CAPN1: variants seen among roughly 807,000 people sequenced by gnomAD.
The protein encoded by CAPN1 is calpain-1 catalytic subunit.
CAPN1 carries 77 observed loss-of-function variants against 105.2 expected under a neutral mutation model. That is an observed-to-expected ratio of 0.73 (90% CI 0.61 to 0.88). The LOEUF (loss-of-function observed/expected upper bound fraction) is 0.88. Ranked by LOEUF, CAPN1 falls within the 40% of genes least tolerant of loss-of-function variation. The probability of loss-of-function intolerance (pLI) is 0.00; values close to 1 mark genes in which losing one functional copy is unlikely to be tolerated. For synonymous variants in CAPN1, 355 were observed against 388.8 expected, an observed-to-expected ratio of 0.91 and a Z score of 1.02; for missense variants, 833 against 976.6, an observed-to-expected ratio of 0.85 and a Z score of 1.96.
At chr11:65,211,157 G>A (rs1949042711) in intron 21 of CAPN1, 103 bp from the exon 22 acceptor site, 1 of 1,302,970 alleles carries the variant, frequency 7.7e-7, no homozygotes, top group Admixed American at 1.9e-5. Flanking sequence ...TTCCTGAGGT[G>A]GCTCCTGAGA....
In CAPN1 at chr11:65,211,808, C is replaced by T. The variant is rs746548181; in HGVS notation, c.*522C>T. The T allele has an allele frequency of 9.4e-5, 15 of 159,776 alleles. No individual in the cohort carries two copies. Among genetic ancestry groups the T allele is most frequent in the South Asian group, 1.8e-4 (1 of 5,508 alleles). 9.9% of individuals were successfully genotyped at this position (159,776 alleles called of 1,614,324 possible). ...CTCTGTCCTTCCCTGGCCCTGCTGCCGACCAGGAGCTGCCCAGCCTGTGGG... is the reference window on the plus strand; with the variant it reads ...CTCTGTCCTTCCCTGGCCCTGCTGCTGACCAGGAGCTGCCCAGCCTGTGGG... On this transcript the variant is annotated 3_prime_UTR_variant, in exon 22 of 22. Transcript: ENST00000279247.
At chr11:65,184,960 C>T (rs1010883498) in intron 4 of CAPN1, among the ~76,000 whole-genome samples, 12 of 151,866 alleles carry the variant, frequency 7.9e-5, no homozygotes, top group African/African-American at 2.7e-4. Context: ...TAGTATGTCT[C>T]GAGCATACAT....
intron 10 of CAPN1, among the ~76,000 whole-genome samples, chr11:65,192,274 A>T (rs1281818273): frequency 6.6e-6 from 1 of 152,184 alleles, no homozygotes; most frequent in Non-Finnish European, 1.5e-5. Context: ...TGCTTTTCTA[A>T]CGTTAAATCA....
At chr11:65,192,674 G>C (rs1948734388) in intron 10 of CAPN1, among the ~76,000 whole-genome samples, 2 of 150,114 alleles carry the variant, frequency 1.3e-5, no homozygotes, top group African/African-American at 4.9e-5. Flanking sequence ...GTTTTTTAGA[G>C]AGAGGTTACT....
Position 65,209,101 on chromosome 11 carries a change from T to G in CAPN1, c.1730-222T>G. The stretch of plus-strand genomic sequence containing the variant: ...CTTCTGTTTCACACTCATTTCTTTT[T>G]ACTTTGGACTAATTGTGGCTGTTGG... On this transcript the variant is annotated intron_variant, in intron 16 of 21. Transcript: ENST00000279247. The surrounding 1 kb of genome is among the most constrained non-coding windows in gnomAD (Gnocchi z 4.1). The G allele has an allele frequency of 1.7e-6, 1 of 587,670 alleles. No homozygotes were observed. The highest frequency in any genetic ancestry group is 2.0e-5 in the South Asian group (1 of 49,752). The allele number at this position is 587,670 out of a possible 1,614,324, so 36.4% of individuals were successfully genotyped here. A position where few individuals can be genotyped will look rare whatever the true frequency, so the allele number is the denominator to read the frequency against.
chr11:65,204,585 T>A, intron 10 of CAPN1, 98 bp from the exon 11 acceptor site: 5 of 1,078,920 alleles, frequency 4.6e-6, no homozygotes, highest in Non-Finnish European at 6.8e-6. Context: ...ATTTGTTGAA[T>A]GAATGAATGC....
At chr11:65,206,158 C>T (rs533740101) in intron 12 of CAPN1, 1 of 549,594 alleles carries the variant, frequency 1.8e-6, no homozygotes, top group Non-Finnish European at 3.3e-6. Flanking sequence ...GCCGAGTACC[C>T]TGCAGTACCT....
rs755943670 is a variant in CAPN1, at chr11:65,188,553, G to C, written c.1005-33G>C. The C allele has an allele frequency of 5.6e-6, 9 of 1,613,686 alleles. No individual in the cohort carries two copies. Among genetic ancestry groups the C allele is most frequent in the Non-Finnish European group, 8.5e-7 (1 of 1,179,784 alleles). On this transcript the variant is annotated intron_variant, in intron 9 of 21. Coordinates refer to ENST00000279247, the MANE Select transcript of CAPN1 (RefSeq NM_005186.4). This position sits in a 1 kb window ranked among gnomAD's most constrained non-coding sequence, Gnocchi z 5.5. ...TACACATCAGCTCTGTGCCCTGACG[G>C]GCTGTGCCTCACCTGTGTACCTCCC...
At position 65,188,249 on chromosome 11, in the gene CAPN1, C is replaced by T. The variant is rs577886897; in HGVS notation, c.930-165C>T. ...CGTCGGGTGTGTGCAGGGCATCAGA[C>T]TGGCCCTGATGAGACCACCCCCTAG... On this transcript the variant is annotated intron_variant, in intron 8 of 21. Transcript: ENST00000279247. This position sits in a 1 kb window ranked among gnomAD's most constrained non-coding sequence, Gnocchi z 5.5. 30 of 701,950 alleles carry T rather than the reference C, an allele frequency of 4.3e-5. No homozygotes were observed. The highest frequency in any genetic ancestry group is 7.0e-4 in the Middle Eastern group (2 of 2,876). 43.5% of individuals were successfully genotyped at this position (701,950 alleles called of 1,614,324 possible). A position where few individuals can be genotyped will look rare whatever the true frequency, so the allele number is the denominator to read the frequency against.
chr11:65,201,642 C>G (rs906039941), intron 10 of CAPN1, among the ~76,000 whole-genome samples: 6 of 151,876 alleles, frequency 4.0e-5, no homozygotes, highest in African/African-American at 1.2e-4. Context: ...CTCAGCCTCC[C>G]GAGTAGCTGG....
chr11:65,183,942 G>A (rs1433419693), intron 4 of CAPN1, among the ~76,000 whole-genome samples: 1 of 152,166 alleles, frequency 6.6e-6, no homozygotes, highest in African/African-American at 2.4e-5. Flanking sequence ...ATCAGCACGT[G>A]TGGCCTTCTC....
chr11:65,204,829 A>G lies in CAPN1; in HGVS notation c.1312A>G (p.Met438Val), dbSNP rs749907065. The G allele has an allele frequency of 1.6e-5, 26 of 1,611,766 alleles. No homozygotes were observed. Among genetic ancestry groups the G allele is most frequent in the African/African-American group, 2.7e-5 (2 of 74,928 alleles). The change falls in exon 11 of 22, where the codon ATG (methionine) becomes GTG (valine). Residue 438 changes from methionine to valine, a missense_variant. Transcript: ENST00000279247. ...CCGCGAGCGCCGCTTCGGCCGCGAC[A>G]TGGAGACTATTGGCTTCGCGGTCTA... ...RRRERRFGRD[M>V]ETIGFAVYEV...
At chr11:65,190,935 A>T (rs1230662042) in intron 10 of CAPN1, among the ~76,000 whole-genome samples, 1 of 151,870 alleles carries the variant, frequency 6.6e-6, no homozygotes, top group East Asian at 1.9e-4. Flanking sequence ...CTGGTTTCAA[A>T]CTCAAGTGAT....
chr11:65,202,293 C>T (rs925800694), intron 10 of CAPN1, among the ~76,000 whole-genome samples: 2 of 152,110 alleles, frequency 1.3e-5, no homozygotes, highest in Non-Finnish European at 2.9e-5. Flanking sequence ...TTGCAGGGTT[C>T]CTACTTTCTA....
Position 65,209,189 on chromosome 11 carries a change from C to A in CAPN1, c.1730-134C>A. ...TCCTGATGATACAAACAATCCTGCC[C>A]ACTTCCTCTGCCAGATATTGCACCC... On this transcript the variant is annotated intron_variant, in intron 16 of 21. Coordinates refer to ENST00000279247, the MANE Select transcript of CAPN1 (RefSeq NM_005186.4). This position sits in a 1 kb window ranked among gnomAD's most constrained non-coding sequence, Gnocchi z 4.1. The A allele has an allele frequency of 1.5e-6, 1 of 684,608 alleles. No homozygotes were observed. 42.4% of individuals were successfully genotyped at this position (684,608 alleles called of 1,614,324 possible).
Position 65,208,604 on chromosome 11 carries a change from C to T in CAPN1, c.1729+342C>T. ...ACCAGCCTGGACAATATGGAGAGACCCTGTCTCTGCAAAAAAGTACAAAAA... is the reference window on the plus strand; with the variant it reads ...ACCAGCCTGGACAATATGGAGAGACTCTGTCTCTGCAAAAAAGTACAAAAA... On this transcript the variant is annotated intron_variant, in intron 16 of 21. Coordinates refer to ENST00000279247, the MANE Select transcript of CAPN1 (RefSeq NM_005186.4). This position sits in a 1 kb window ranked among gnomAD's most constrained non-coding sequence, Gnocchi z 4.1. 1 of 388,178 alleles carries T rather than the reference C, an allele frequency of 2.6e-6. No individual in the cohort carries two copies. The highest frequency in any genetic ancestry group is 5.7e-5 in the East Asian group (1 of 17,624). The allele number at this position is 388,178 out of a possible 1,614,324, so 24.0% of individuals were successfully genotyped here. A position where few individuals can be genotyped will look rare whatever the true frequency, so the allele number is the denominator to read the frequency against.
intron 10 of CAPN1, among the ~76,000 whole-genome samples, chr11:65,196,393 T>C (rs1331791666): frequency 6.6e-6 from 1 of 152,072 alleles, no homozygotes. Flanking sequence ...ATTTTTGGGG[T>C]ACATGTGATA....
chr11:65,184,730 C>G (rs1275714233), intron 4 of CAPN1, among the ~76,000 whole-genome samples: 1 of 152,134 alleles, frequency 6.6e-6, no homozygotes, highest in Non-Finnish European at 1.5e-5. Context: ...AGGGAAGAGC[C>G]AGGGGGCCAT....
At chr11:65,183,692 C>A in intron 4 of CAPN1, 100 bp downstream of exon 4, 1 of 776,122 alleles carries the variant, frequency 1.3e-6, no homozygotes, top group Non-Finnish European at 2.2e-6. Context: ...GTGGGGCCAG[C>A]CCTCCCTCTA....
Sources: gnomAD v4.1 joint callset for allele counts (sites outside exome capture counted in the v4.1 genomes callset) on GRCh38, gnomAD v4.1.1 for gene constraint, Gnocchi (gnomAD v3.1) non-coding constraint, MANE v1.5 for transcripts, NCBI Gene and HGNC (gene_info 2026-07-23, HGNC 2026-07-21) for gene names.